Variants in ARHGEF3 observed in about 807,000 individuals in gnomAD.
ARHGEF3 encodes the protein 59.8 kDA protein.
In ARHGEF3, 28 loss-of-function variants were observed where a neutral mutation model predicts 63.2. The ratio of observed to expected loss-of-function variants is 0.44; its 90% CI spans 0.33 to 0.61. The LOEUF is 0.61. Ranked by LOEUF, ARHGEF3 falls within the 20% of genes least tolerant of loss-of-function variation. ARHGEF3 has a pLI of 0.03. For missense variants in ARHGEF3, 533 were observed against 659.3 expected (o/e 0.81, Z 2.10); for synonymous variants, 266 against 254.2 (o/e 1.05, Z -0.44).
chr3:56,873,482 T>C (rs1043415247), intron 4 of ARHGEF3, among the ~76,000 whole-genome samples: 3 of 152,144 alleles, frequency 2.0e-5, no homozygotes, highest in Admixed American at 2.0e-4. Context: ...GGAGAACATA[T>C]GTATTTGGTT....
intron 3 of ARHGEF3, among the ~76,000 whole-genome samples, chr3:56,896,732 G>A (rs1393081565): frequency 1.3e-5 from 2 of 152,184 alleles, no homozygotes. Context: ...ATTAGATTCA[G>A]GTTGCACATT....
In ARHGEF3 at chr3:56,745,290, C is replaced by A; in HGVS notation, c.785G>T (p.Arg262Leu). The change falls in exon 7 of 10, where the codon CGC (arginine) becomes CTC (leucine). Residue 262 changes from arginine (R) to leucine (L), a missense_variant. Arg to Leu is a moderately radical substitution (Grantham distance 102). Around this residue, in one of 4 missense-constraint regions of ARHGEF3, gnomAD observed 107 missense variants for 207.9 expected, o/e 0.51. Transcript: ENST00000296315. ...LWNFLDIPRS[R>L]LVKYPLLLRE... The stretch of plus-strand genomic sequence containing the variant: ...GAGAAGCAGAGGGTATTTTACCAGG[C>A]GGCTTCTTGGAATATCGAGGAAATT... The A allele has an allele frequency of 6.2e-7, 1 of 1,613,754 alleles. No individual in the cohort carries two copies. Among genetic ancestry groups the A allele is most frequent in the Non-Finnish European group, 8.5e-7 (1 of 1,179,984 alleles).
rs753751999 is a variant in ARHGEF3 at position 56,729,427 on chromosome 3, C to T, written c.1424G>A (p.Arg475Lys). ...GSFLNPTTGS[R>K]ELQGETKLEQ... The stretch of plus-strand genomic sequence containing the variant: ...AAGTTTTGTTTCTCCCTGTAGCTCT[C>T]TGCTCCCGGTGGTGGGATTTAGGAA... Residue 475 changes from arginine to lysine, a missense_variant, in exon 10 of 10, where the codon AGA (arginine) becomes AAA (lysine). By Grantham distance (26) the Arg-to-Lys change is conservative (BLOSUM62 2). Around this residue, in one of 4 missense-constraint regions of ARHGEF3, gnomAD observed 115 missense variants for 103.4 expected, o/e 1.11. Coordinates refer to ENST00000296315, the MANE Select transcript of ARHGEF3 (RefSeq NM_019555.3). 1.2e-6 allele frequency: 2 copies of T among 1,614,170 alleles called. No homozygotes were observed. The highest frequency in any genetic ancestry group is 2.2e-5 in the South Asian group (2 of 91,072).
At chr3:56,886,794 C>A (rs1460034190) in intron 3 of ARHGEF3, among the ~76,000 whole-genome samples, 2 of 152,160 alleles carry the variant, frequency 1.3e-5, no homozygotes, top group Non-Finnish European at 2.9e-5. Flanking sequence ...CTCCATTCTA[C>A]AGAGTAGGAG....
intron 3 of ARHGEF3, among the ~76,000 whole-genome samples, chr3:56,892,840 A>T (rs1251401899): frequency 1.3e-5 from 2 of 152,212 alleles, no homozygotes; most frequent in African/African-American, 2.4e-5. Flanking sequence ...ACAACACCCC[A>T]TGGGTTCATG....
intron 3 of ARHGEF3, among the ~76,000 whole-genome samples, chr3:56,906,493 G>T (rs370105385): frequency 1.3e-5 from 2 of 152,190 alleles, no homozygotes; most frequent in East Asian, 3.8e-4. Flanking sequence ...ACGAAAAAGA[G>T]AATGTAAAAC....
intron 3 of ARHGEF3, among the ~76,000 whole-genome samples, chr3:56,898,367 A>C (rs2041381480): frequency 6.6e-6 from 1 of 151,738 alleles, no homozygotes; most frequent in African/African-American, 2.4e-5. Flanking sequence ...GTGCCACCAC[A>C]CTGGCTGATT....
chr3:57,042,695 TA>T (rs1442845040), intron 1 of ARHGEF3, among the ~76,000 whole-genome samples: 376 of 28,406 alleles, frequency 0.013, no homozygotes, highest in Non-Finnish European at 0.018. Context: ...TATATATATA[TA>T]TATATTTTTT....
At position 57,073,730 on chromosome 3, in the gene ARHGEF3, A is replaced by G. The variant is rs149527467; in HGVS notation, c.-28+5496T>C. The G allele has an allele frequency of 7.4e-4, 1,196 of 1,614,058 alleles. 17 individuals carry two copies. Among genetic ancestry groups the G allele is most frequent in the Non-Finnish European group, 1.3e-4 (151 of 1,180,034 alleles). On this transcript the variant is annotated intron_variant, in intron 1 of 12. Transcript: ENST00000338458. ...CTGCTCTGACTTGTGGGTCCACCTT[A>G]GAAAAGTCAGGAGACACCTGGGAAA...
chr3:56,915,300 A>T (rs1279541861), intron 3 of ARHGEF3, among the ~76,000 whole-genome samples: 1 of 1,248 alleles, frequency 8.0e-4, no homozygotes, highest in Non-Finnish European at 0.071. Context: ...ACGTCTCCAC[A>T]AAAAAAAATG....
rs150747601 is a variant in ARHGEF3 at position 57,054,734 on chromosome 3, C to G, written c.-27-19558G>C. 8.3e-3 allele frequency among the ~76,000 whole-genome samples: 1,251 copies of G among 150,900 alleles called. 13 individuals carry two copies. The highest frequency in any genetic ancestry group is 0.029 in the African/African-American group (1,189 of 41,170). Reference sequence around the variant, plus strand: ...TGGCGCAATCTCAGCTCACTGCAACCTCTGACTCCCTGGTTCAAGGATTCT... The same window carrying G: ...TGGCGCAATCTCAGCTCACTGCAACGTCTGACTCCCTGGTTCAAGGATTCT... On this transcript the variant is annotated intron_variant, in intron 1 of 12. Coordinates refer to the ARHGEF3 transcript ENST00000338458.
intron 2 of ARHGEF3, among the ~76,000 whole-genome samples, chr3:56,762,086 A>G (rs1333076725): frequency 2.0e-5 from 3 of 152,164 alleles, no homozygotes; most frequent in Admixed American, 1.3e-4. Context: ...TGCCAGCAGC[A>G]CAGCCAGCCC....
chr3:56,889,784 G>A (rs1350714919), intron 3 of ARHGEF3, among the ~76,000 whole-genome samples: 1 of 152,202 alleles, frequency 6.6e-6, no homozygotes, highest in Non-Finnish European at 1.5e-5. Flanking sequence ...TTTCATGGCT[G>A]GGCGCAGTGG....
intron 4 of ARHGEF3, among the ~76,000 whole-genome samples, chr3:56,839,727 T>G (rs573667040): frequency 1.8e-4 from 27 of 152,198 alleles, no homozygotes; most frequent in Admixed American, 9.8e-4. Context: ...GAGCTTTCAC[T>G]GATTTGGTCT....
chr3:56,758,388 G>A (rs2035226773), intron 2 of ARHGEF3, among the ~76,000 whole-genome samples: 1 of 151,730 alleles, frequency 6.6e-6, no homozygotes, highest in Non-Finnish European at 1.5e-5. Context: ...TGAGGAGTTC[G>A]AGACCACTCT....
chr3:56,969,278 C>A (rs1186979023), intron 2 of ARHGEF3, among the ~76,000 whole-genome samples: 1 of 148,024 alleles, frequency 6.8e-6, no homozygotes, highest in Non-Finnish European at 1.5e-5. Flanking sequence ...GAGACGAGAT[C>A]GAAATGATTT....
chr3:56,839,129 A>C, intron 4 of ARHGEF3, among the ~76,000 whole-genome samples: 1 of 150,876 alleles, frequency 6.6e-6, no homozygotes, highest in East Asian at 1.9e-4. Flanking sequence ...ATGGAGTGAG[A>C]CCTTGTCTCA....
At chr3:56,896,711 G>T (rs1414467018) in intron 3 of ARHGEF3, among the ~76,000 whole-genome samples, 2 of 152,160 alleles carry the variant, frequency 1.3e-5, no homozygotes, top group Admixed American at 1.3e-4. Context: ...TTTACTAGAT[G>T]TTTTTTCATG....
At chr3:56,876,067 G>T (rs2040577216) in intron 4 of ARHGEF3, among the ~76,000 whole-genome samples, 2 of 152,140 alleles carry the variant, frequency 1.3e-5, no homozygotes, top group Non-Finnish European at 2.9e-5. Flanking sequence ...TGAAATGCGG[G>T]GAGAAGAAAC....
Sources: allele counts gnomAD v4.1 joint callset (sites outside exome capture counted in the v4.1 genomes callset), GRCh38; gene constraint gnomAD v4.1.1; regional missense constraint gnomAD v4.1.1; transcripts MANE v1.5; gene names NCBI Gene and HGNC (gene_info 2026-07-23, HGNC 2026-07-21).